The following PCDH1 variants were observed in gnomAD, a reference collection of about 807,000 sequenced individuals.
PCDH1 encodes the protein protocadherin-1.
A neutral mutation model predicts 74.6 loss-of-function variants in PCDH1; 23 were observed. The observed-to-expected ratio is 0.31, with a 90% CI of 0.22 to 0.44. The LOEUF is 0.44. Among genes scored for constraint, PCDH1 ranks in the 20% least tolerant of loss-of-function variants. PCDH1 has a pLI of 1.00. For synonymous variants in PCDH1, 647 were observed against 686.1 expected (o/e 0.94, Z 0.89); for missense variants, 1,214 against 1,641.4 (o/e 0.74, Z 4.50).
At chr5:141,873,332 G>T (rs1198804064) in intron 1 of PCDH1, among the ~76,000 whole-genome samples, 1 of 147,390 alleles carries the variant, frequency 6.8e-6, no homozygotes, top group Non-Finnish European at 1.5e-5. Flanking sequence ...TAGAGACGGG[G>T]TTTCACCGTG....
chr5:141,855,302 C>A (rs146462488), intron 4 of PCDH1, among the ~76,000 whole-genome samples: 1 of 152,048 alleles, frequency 6.6e-6, no homozygotes, highest in Non-Finnish European at 1.5e-5. Flanking sequence ...GCGTCACCTA[C>A]CCCCCAGTGC....
rs1054956513 is a variant in PCDH1, at chr5:141,859,718, C to T, written c.3100-2247G>A. 2.0e-5 allele frequency among the ~76,000 whole-genome samples: 3 copies of T among 149,242 alleles called. No individual in the cohort carries two copies. The Admixed American group carries it at 2.0e-4, about 10-fold the overall frequency. On this transcript the variant is annotated intron_variant, in intron 3 of 4. Coordinates refer to ENST00000287008, the MANE Select transcript of PCDH1 (RefSeq NM_032420.5). ...CTTTCTCCCTAACCTTTGCCAAATC[C>T]ATCCATCCATCACCCCCATTGCCAC...
Position 141,864,255 on chromosome 5 carries a change from G to A in PCDH1, c.2076C>T (p.Val692=). ...TFQLKAVDGG[V]PPRSAYVGVT... ...CACCAACGTAAGCTGAGCGAGGTGG[G>A]ACGCCACCATCCACTGCCTTCAGCT... is the stretch of plus-strand genomic sequence containing the variant. The change falls in exon 3 of 5, where the codon GTC becomes GTT. Residue 692 remains valine (V), a synonymous_variant. Transcript: ENST00000287008. This position sits in a 1 kb window ranked among gnomAD's most constrained non-coding sequence, Gnocchi z 5.9. 3.1e-6 allele frequency: 5 copies of A among 1,611,848 alleles called. No homozygotes were observed. Among genetic ancestry groups the A allele is most frequent in the Non-Finnish European group, 4.2e-6 (5 of 1,178,150 alleles).
At chr5:141,874,840 G>A (rs150882093) in intron 1 of PCDH1, among the ~76,000 whole-genome samples, 2 of 152,236 alleles carry the variant, frequency 1.3e-5, no homozygotes, top group African/African-American at 4.8e-5. Context: ...GGACTGTCGC[G>A]GGGAGAGGGG....
intron 1 of PCDH1, among the ~76,000 whole-genome samples, chr5:141,874,397 C>G (rs1031254865): frequency 1.3e-5 from 2 of 152,198 alleles, no homozygotes; most frequent in Non-Finnish European, 2.9e-5. Flanking sequence ...TTCCCCGGGC[C>G]CTGGCTGCCT....
At position 141,863,086 on chromosome 5, in the gene PCDH1, C is replaced by A. The variant is rs1752632522; in HGVS notation, c.3099+146G>T. 3 of 1,389,392 alleles carry A rather than the reference C, an allele frequency of 2.2e-6. No homozygotes were observed. In the Admixed American group the frequency reaches 9.2e-5, roughly 42 times the overall value. 86.1% of individuals were successfully genotyped at this position (1,389,392 alleles called of 1,614,324 possible). The stretch of plus-strand genomic sequence containing the variant: ...GTGTGCCCGGTGAGGCACTAAGGCC[C>A]CACCTCCCACTGCTGGCTCAGGCTG... On this transcript the variant is annotated intron_variant, in intron 3 of 4. Transcript: ENST00000287008. This position sits in a 1 kb window ranked among gnomAD's most constrained non-coding sequence, Gnocchi z 7.5.
rs755054912 is a variant in PCDH1, at chr5:141,869,171, C to T, written c.301G>A (p.Val101Met). 27 of 1,613,870 alleles carry T rather than the reference C, an allele frequency of 1.7e-5. No individual in the cohort carries two copies. Among genetic ancestry groups the T allele is most frequent in the South Asian group, 9.9e-5 (9 of 91,070 alleles). Residue 101 changes from valine (V) to methionine (M), a missense_variant, in exon 2 of 5, where the codon GTG becomes ATG. Physicochemically the swap from Val to Met is conservative, Grantham distance 21. Around this residue, in one of 4 missense-constraint regions of PCDH1, gnomAD observed 97 missense variants for 173.2 expected, o/e 0.56. Transcript: ENST00000287008. The surrounding 1 kb of genome is among the most constrained non-coding windows in gnomAD (Gnocchi z 4.9). ...KLEVGAPYLR[V>M]DGKTGDIFTT... ...AAAATGTCACCTGTCTTGCCATCCACGCGAAGGTACGGGGCACCCACCTCT... is the reference window on the plus strand; with the variant it reads ...AAAATGTCACCTGTCTTGCCATCCATGCGAAGGTACGGGGCACCCACCTCT...
At chr5:141,862,327 G>T (rs556282600) in intron 3 of PCDH1, among the ~76,000 whole-genome samples, 1 of 152,290 alleles carries the variant, frequency 6.6e-6, no homozygotes, top group East Asian at 1.9e-4. Context: ...AGCCTCAGAT[G>T]GGGCAGGACT....
rs763448022 is a variant in PCDH1 at position 141,865,222 on chromosome 5, C to T, written c.1109G>A (p.Arg370His). ...CTTCACGGTCACAACCACCTGGGCA[C>T]GGGCACTCTTGGGGTTGGTGCCTCG... The part of the protein sequence containing the change: ...KDRGTNPKSA[R>H]AQVVVTVKDM... The change falls in exon 3 of 5, where the codon CGT (arginine) becomes CAT (histidine). Residue 370 changes from arginine (R) to histidine (H), a missense_variant. Around this residue, in one of 4 missense-constraint regions of PCDH1, gnomAD observed 836 missense variants for 1,182.2 expected, o/e 0.71. Transcript: ENST00000287008. This position sits in a 1 kb window ranked among gnomAD's most constrained non-coding sequence, Gnocchi z 4.4. 4.1e-5 allele frequency: 66 copies of T among 1,614,090 alleles called. No individual in the cohort carries two copies. In the Admixed American group the frequency reaches 9.7e-4, roughly 24 times the overall value.
Position 141,853,967 on chromosome 5 carries a change from A to T in PCDH1, c.*75T>A. On this transcript the variant is annotated 3_prime_UTR_variant, in exon 5 of 5. Transcript: ENST00000287008. ...GGAAGTCCACGCTGAAGGGGTGGAG[A>T]GTGAGGCCCTGGAATGGGCCATTTG... is the stretch of plus-strand genomic sequence containing the variant. The T allele has an allele frequency of 7.6e-7, 1 of 1,307,474 alleles. No homozygotes were observed. The highest frequency in any genetic ancestry group is 1.0e-6 in the Non-Finnish European group (1 of 973,718). The allele number at this position is 1,307,474 out of a possible 1,614,324, so 81.0% of individuals were successfully genotyped here.
chr5:141,857,497 T>C (rs779461984), intron 3 of PCDH1, 26 bp from the exon 4 acceptor site: 2 of 1,601,098 alleles, frequency 1.2e-6, no homozygotes, highest in Non-Finnish European at 1.7e-6. Flanking sequence ...TTGTCACTAC[T>C]GACCAGCCAG....
chr5:141,853,855 A>C lies in PCDH1; in HGVS notation c.*187T>G, dbSNP rs2126799820. ...GGGCCCCTGGGGGCTGGGAGATGGA[A>C]ATGAGGGGAGAGGACCTGGACCCTG... On this transcript the variant is annotated 3_prime_UTR_variant, in exon 5 of 5. Coordinates refer to ENST00000287008, the MANE Select transcript of PCDH1 (RefSeq NM_032420.5). The C allele has an allele frequency of 4.6e-6, 2 of 435,564 alleles. No homozygotes were observed. Among genetic ancestry groups the C allele is most frequent in the South Asian group, 1.0e-4 (1 of 9,818 alleles). The allele number at this position is 435,564 out of a possible 1,614,324, so 27.0% of individuals were successfully genotyped here. A position where few individuals can be genotyped will look rare whatever the true frequency, so the allele number is the denominator to read the frequency against.
rs752678438 is a variant in PCDH1, at chr5:141,863,653, G to A, written c.2678C>T (p.Thr893Ile). Residue 893 changes from threonine (T) to isoleucine (I), a missense_variant, in exon 3 of 5, where the codon ACC (threonine) becomes ATC (isoleucine). Thr to Ile is a moderately conservative substitution (Grantham distance 89). This residue lies in a region of PCDH1 where 836 missense variants were observed against 1,182.2 expected (regional missense o/e 0.71). Transcript: ENST00000287008. This position sits in a 1 kb window ranked among gnomAD's most constrained non-coding sequence, Gnocchi z 7.5. Reference sequence around the variant, plus strand: ...GGGCTTGGGGGCATACAGGTCCTTGGTCTCCTTCTTACCAGCCTGGTAACC... The same window carrying A: ...GGGCTTGGGGGCATACAGGTCCTTGATCTCCTTCTTACCAGCCTGGTAACC... ...KSGYQAGKKE[T>I]KDLYAPKPSG... is the part of the protein sequence containing the mutation. 6.2e-7 allele frequency: 1 copy of A among 1,614,144 alleles called. No individual in the cohort carries two copies. The highest frequency in any genetic ancestry group is 1.1e-5 in the South Asian group (1 of 91,084).
upstream of PCDH1, chr5:141,878,410 T>TGAG (rs1178836881): frequency 1.1e-5 from 5 of 460,800 alleles, no homozygotes; most frequent in African/African-American, 1.1e-4. The surrounding 1 kb of genome is among the most constrained non-coding windows in gnomAD (Gnocchi z 5.5). Flanking sequence ...CCCGAGTGTG[T>TGAG]GAGGCGGCGG....
chr5:141,853,962 T>G lies in PCDH1; in HGVS notation c.*80A>C. 2.4e-6 allele frequency: 3 copies of G among 1,267,506 alleles called. No individual in the cohort carries two copies. Among genetic ancestry groups the G allele is most frequent in the Non-Finnish European group, 3.2e-6 (3 of 942,466 alleles). The allele number at this position is 1,267,506 out of a possible 1,614,324, so 78.5% of individuals were successfully genotyped here. ...GGCCAGGAAGTCCACGCTGAAGGGGTGGAGAGTGAGGCCCTGGAATGGGCC... is the reference window on the plus strand; with the variant it reads ...GGCCAGGAAGTCCACGCTGAAGGGGGGGAGAGTGAGGCCCTGGAATGGGCC... On this transcript the variant is annotated 3_prime_UTR_variant, in exon 5 of 5. Coordinates refer to ENST00000287008, the MANE Select transcript of PCDH1 (RefSeq NM_032420.5).
chr5:141,862,741 T>A, intron 3 of PCDH1: 1 of 1,002,706 alleles, frequency 1.0e-6, no homozygotes, highest in Non-Finnish European at 1.2e-6. Flanking sequence ...TAATGCACAA[T>A]ACACACAGAA....
chr5:141,854,672 T>A (rs1426174536), intron 4 of PCDH1, among the ~76,000 whole-genome samples: 1 of 152,148 alleles, frequency 6.6e-6, no homozygotes, highest in Non-Finnish European at 1.5e-5. Context: ...TTTTTTCTTT[T>A]TCTTTTTCTT....
At chr5:141,858,510 G>A (rs1752446162) in intron 3 of PCDH1, among the ~76,000 whole-genome samples, 1 of 152,164 alleles carries the variant, frequency 6.6e-6, no homozygotes, top group Admixed American at 6.5e-5. Flanking sequence ...CTTGGACTGG[G>A]GACTGGGGGT....
intron 2 of PCDH1, among the ~76,000 whole-genome samples, chr5:141,866,360 G>T (rs553283077): frequency 1.3e-5 from 2 of 152,256 alleles, no homozygotes; most frequent in Non-Finnish European, 2.9e-5. Flanking sequence ...TCCCTCTGCA[G>T]TCAGCGGGCA....
Sources: allele counts gnomAD v4.1 joint callset (sites outside exome capture counted in the v4.1 genomes callset), GRCh38; gene constraint gnomAD v4.1.1; regional missense constraint gnomAD v4.1.1; non-coding constraint Gnocchi (gnomAD v3.1); transcripts MANE v1.5; gene names NCBI Gene and HGNC (gene_info 2026-07-23, HGNC 2026-07-21).